The following CNTN1 variants were observed in gnomAD, a reference collection of about 807,000 sequenced individuals.
CNTN1 encodes contactin-1.
Under a neutral mutation model 126.4 loss-of-function variants are expected in CNTN1, and 38 were observed. The ratio of observed to expected loss-of-function variants is 0.30; its 90% CI spans 0.23 to 0.39. The LOEUF (loss-of-function observed/expected upper bound fraction) is 0.39, where lower values mean the gene tolerates loss of function less well. Ranked by LOEUF, CNTN1 falls within the 10% of genes least tolerant of loss-of-function variation. The pLI is 1.00. For missense variants in CNTN1, 1,009 were observed against 1,248.4 expected, an observed-to-expected ratio of 0.81 and a Z score of 2.89; for synonymous variants, 413 against 422.6, an observed-to-expected ratio of 0.98 and a Z score of 0.28.
intron 1 of CNTN1, among the ~76,000 whole-genome samples, chr12:40,707,862 C>T (rs1048483149): frequency 3.9e-5 from 6 of 151,972 alleles, no homozygotes; most frequent in Non-Finnish European, 8.8e-5. Context: ...TTTTAGTCAA[C>T]CAAATTCTCA....
At chr12:41,032,059 C>T (rs1198770058) in intron 23 of CNTN1, among the ~76,000 whole-genome samples, 2 of 152,046 alleles carry the variant, frequency 1.3e-5, no homozygotes, top group African/African-American at 4.8e-5. Context: ...AACAAATAGA[C>T]ATTAAATGCC....
At chr12:40,731,830 C>T (rs543169482) in intron 1 of CNTN1, among the ~76,000 whole-genome samples, 1 of 151,972 alleles carries the variant, frequency 6.6e-6, no homozygotes, top group East Asian at 1.9e-4. Context: ...TTAAATATCC[C>T]AGTAATTTAA....
chr12:41,021,470 G>A (rs1192352146), intron 20 of CNTN1, among the ~76,000 whole-genome samples: 6 of 152,012 alleles, frequency 3.9e-5, no homozygotes, highest in Non-Finnish European at 5.9e-5. Context: ...GACCAGTGCT[G>A]AGCACCTGGC....
intron 15 of CNTN1, among the ~76,000 whole-genome samples, chr12:40,969,042 A>T (rs1314198137): frequency 6.6e-6 from 1 of 152,168 alleles, no homozygotes; most frequent in Admixed American, 6.6e-5. Flanking sequence ...TTTTCAGCTC[A>T]TTTTACTAAA....
At chr12:40,878,518 A>G (rs1481830741) in intron 1 of CNTN1, among the ~76,000 whole-genome samples, 1 of 152,192 alleles carries the variant, frequency 6.6e-6, no homozygotes, top group Non-Finnish European at 1.5e-5. Flanking sequence ...ATCGGAGTCC[A>G]TTATCCAGAA....
chr12:40,900,803 T>G (rs1944575106), intron 1 of CNTN1, among the ~76,000 whole-genome samples: 1 of 152,198 alleles, frequency 6.6e-6, no homozygotes, highest in South Asian at 2.1e-4. Context: ...AAGCTATATT[T>G]TAGGTTTGGC....
intron 1 of CNTN1, among the ~76,000 whole-genome samples, chr12:40,749,272 T>C (rs946716601): frequency 1.3e-5 from 2 of 152,144 alleles, no homozygotes; most frequent in African/African-American, 4.8e-5. Flanking sequence ...CCAGTCATTG[T>C]AGCAAACTGA....
chr12:40,859,480 A>T lies in CNTN1; in HGVS notation c.-76-48877A>T, dbSNP rs188548597. Among the ~76,000 whole-genome samples, 17 of 152,218 alleles carry T rather than the reference A, an allele frequency of 1.1e-4. No homozygotes were observed. The East Asian group carries it at 3.3e-3, about 29-fold the overall frequency. On this transcript the variant is annotated intron_variant, in intron 1 of 23. Transcript: ENST00000551295. ...ATCACAATTTTTCTGTAAACCTAAAACTGCTCCCAAAAAGTTATTAAAATA... is the reference window on the plus strand; with the variant it reads ...ATCACAATTTTTCTGTAAACCTAAATCTGCTCCCAAAAAGTTATTAAAATA...
At position 40,959,094 on chromosome 12, in the gene CNTN1, A is replaced by G. The variant is rs1947007865; in HGVS notation, c.1684-20A>G. 1 of 1,611,704 alleles carries G rather than the reference A, an allele frequency of 6.2e-7. No homozygotes were observed. Among genetic ancestry groups the G allele is most frequent in the Admixed American group, 1.7e-5 (1 of 59,764 alleles). The stretch of plus-strand genomic sequence containing the variant: ...GGTGAAAAATGTACTGATTTGAATA[A>G]TTGCTGTTTTTGCTAACAGCTGGAT... On this transcript the variant is annotated intron_variant, in intron 14 of 23. Transcript: ENST00000551295.
chr12:41,009,514 A>C (rs1948593279), intron 17 of CNTN1, among the ~76,000 whole-genome samples: 1 of 152,144 alleles, frequency 6.6e-6, no homozygotes, highest in Non-Finnish European at 1.5e-5. Flanking sequence ...TAAAACTCCC[A>C]AGGTCATTTC....
intron 3 of CNTN1, among the ~76,000 whole-genome samples, chr12:40,914,222 G>C (rs1199335239): frequency 6.6e-6 from 1 of 152,054 alleles, no homozygotes; most frequent in African/African-American, 2.4e-5. Context: ...TGTAGGCTGA[G>C]AACATAATGC....
chr12:40,884,415 G>T (rs1013561904), intron 1 of CNTN1, among the ~76,000 whole-genome samples: 9 of 151,298 alleles, frequency 5.9e-5, no homozygotes, highest in Non-Finnish European at 1.0e-4. Flanking sequence ...TTATCATATT[G>T]CTCTATTATA....
At chr12:40,878,989 A>C (rs1188809046) in intron 1 of CNTN1, among the ~76,000 whole-genome samples, 4 of 152,124 alleles carry the variant, frequency 2.6e-5, no homozygotes, top group Non-Finnish European at 5.9e-5. Flanking sequence ...AGTCCATATA[A>C]AATTATAATA....
At chr12:41,016,486 T>C (rs369138669) in intron 18 of CNTN1, among the ~76,000 whole-genome samples, 196 bp from the exon 19 acceptor site, 168 of 152,240 alleles carry the variant, frequency 1.1e-3, no homozygotes, top group African/African-American at 3.9e-3. Context: ...CTAGGAGTAG[T>C]GAGGCTACAA....
chr12:40,705,132 G>T (rs974006685), intron 1 of CNTN1, among the ~76,000 whole-genome samples: 13 of 152,116 alleles, frequency 8.5e-5, no homozygotes, highest in African/African-American at 2.9e-4. Flanking sequence ...GTCATGCCAA[G>T]GTATATTGAC....
At chr12:41,030,255 C>T (rs1335272998) in intron 23 of CNTN1, among the ~76,000 whole-genome samples, 2 of 151,574 alleles carry the variant, frequency 1.3e-5, no homozygotes, top group Non-Finnish European at 2.9e-5. Context: ...ATATATTAAA[C>T]CAACAAAAAA....
chr12:40,859,205 A>G (rs556654135), intron 1 of CNTN1, among the ~76,000 whole-genome samples: 1 of 152,218 alleles, frequency 6.6e-6, no homozygotes, highest in Non-Finnish European at 1.5e-5. Context: ...AGGTTAAAGA[A>G]TATGGAGAAT....
chr12:40,795,272 TATACACACAC>T (rs1326139605), intron 1 of CNTN1, among the ~76,000 whole-genome samples: 10 of 120,346 alleles, frequency 8.3e-5, no homozygotes, highest in South Asian at 3.2e-4. Context: ...TGTCTACATG[TATACACACAC>T]ACACACACAC....
chr12:40,826,097 A>C (rs1941606444), intron 1 of CNTN1, among the ~76,000 whole-genome samples: 1 of 152,162 alleles, frequency 6.6e-6, no homozygotes, highest in Non-Finnish European at 1.5e-5. Context: ...CATTTTAGGA[A>C]ACTGAAATTT....
Sources: allele counts gnomAD v4.1 joint callset (sites outside exome capture counted in the v4.1 genomes callset), GRCh38; gene constraint gnomAD v4.1.1; transcripts MANE v1.5; gene names NCBI Gene and HGNC (gene_info 2026-07-23, HGNC 2026-07-21).